Variants in CPQ observed in about 807,000 individuals in gnomAD.
CPQ encodes the protein carboxypeptidase Q, also known as Ser-Met dipeptidase.
Under a neutral mutation model 45.7 loss-of-function variants are expected in CPQ, and 37 were observed. The ratio of observed to expected loss-of-function variants is 0.81; its 90% CI spans 0.62 to 1.07. The LOEUF (loss-of-function observed/expected upper bound fraction) is 1.07. Among genes scored for constraint, CPQ ranks in the 50% least tolerant of loss-of-function variants. CPQ has a pLI of 0.00. For synonymous variants in CPQ, 186 were observed against 205.8 expected (o/e 0.90, Z 0.82); for missense variants, 537 against 572.9 (o/e 0.94, Z 0.64).
At chr8:96,878,729 A>G (rs1812180972) in intron 3 of CPQ, among the ~76,000 whole-genome samples, 1 of 152,236 alleles carries the variant, frequency 6.6e-6, no homozygotes, top group Non-Finnish European at 1.5e-5. Flanking sequence ...AGCTGCTTCT[A>G]TAGGAGATAA....
At chr8:96,783,281 G>A (rs1810715829) in intron 1 of CPQ, among the ~76,000 whole-genome samples, 1 of 152,056 alleles carries the variant, frequency 6.6e-6, no homozygotes, top group South Asian at 2.1e-4. Context: ...GTGTGTGTGT[G>A]TGTGCTGCTT....
chr8:96,737,943 T>C (rs1586379914), intron 1 of CPQ, among the ~76,000 whole-genome samples: 1 of 152,262 alleles, frequency 6.6e-6, no homozygotes, highest in African/African-American at 2.4e-5. Flanking sequence ...GTATTTTCTA[T>C]TTTTTAGTAT....
At chr8:97,124,330 G>A (rs1326645709) in intron 7 of CPQ, among the ~76,000 whole-genome samples, 1 of 150,478 alleles carries the variant, frequency 6.6e-6, no homozygotes, top group African/African-American at 2.4e-5. Context: ...CACATCTATA[G>A]TTGTGGCTGG....
At chr8:97,076,368 C>G (rs1326957817) in intron 7 of CPQ, among the ~76,000 whole-genome samples, 2 of 152,084 alleles carry the variant, frequency 1.3e-5, no homozygotes, top group Non-Finnish European at 2.9e-5. Flanking sequence ...ATTATTCTAC[C>G]TAAAATATTT....
chr8:96,656,967 T>C (rs1299011973), intron 1 of CPQ, among the ~76,000 whole-genome samples: 1 of 152,002 alleles, frequency 6.6e-6, no homozygotes, highest in Non-Finnish European at 1.5e-5. Context: ...GTGGGCTTTC[T>C]GGGAAGTGTC....
intron 1 of CPQ, among the ~76,000 whole-genome samples, chr8:96,647,530 T>C (rs1815531711): frequency 6.6e-6 from 1 of 151,920 alleles, no homozygotes; most frequent in Non-Finnish European, 1.5e-5. Context: ...AATGGGAGAG[T>C]TAGGACTCAA....
At chr8:97,138,353 T>C (rs1444768609) in intron 7 of CPQ, among the ~76,000 whole-genome samples, 5 of 152,060 alleles carry the variant, frequency 3.3e-5, no homozygotes, top group African/African-American at 1.2e-4. Flanking sequence ...TGGGAGTAGA[T>C]AGGGGAAAAC....
intron 7 of CPQ, among the ~76,000 whole-genome samples, chr8:97,120,405 T>G (rs1413260939): frequency 6.6e-6 from 1 of 151,420 alleles, no homozygotes; most frequent in Non-Finnish European, 1.5e-5. Context: ...TACTGATCTA[T>G]TCCTTTACTG....
chr8:96,650,749 G>A (rs1259073653), intron 1 of CPQ, among the ~76,000 whole-genome samples: 1 of 152,218 alleles, frequency 6.6e-6, no homozygotes, highest in African/African-American at 2.4e-5. Context: ...AGGCAGTGAT[G>A]TGAAAGGATC....
chr8:96,933,776 A>T (rs148557224), intron 4 of CPQ, among the ~76,000 whole-genome samples: 2 of 152,058 alleles, frequency 1.3e-5, no homozygotes, highest in Admixed American at 6.6e-5. Flanking sequence ...AGCAGTGATG[A>T]CCATGTGGTA....
chr8:96,769,477 C>A (rs1810511866), intron 1 of CPQ, among the ~76,000 whole-genome samples: 1 of 152,138 alleles, frequency 6.6e-6, no homozygotes, highest in Admixed American at 6.6e-5. Context: ...CCCCTGTTCT[C>A]CAGGGCAGCC....
chr8:97,111,798 A>G (rs184545881), intron 7 of CPQ, among the ~76,000 whole-genome samples: 1 of 152,330 alleles, frequency 6.6e-6, no homozygotes, highest in Admixed American at 6.5e-5. Context: ...AAATATCTTG[A>G]ACAAAACAAG....
intron 7 of CPQ, among the ~76,000 whole-genome samples, chr8:97,090,900 A>C (rs1811114561): frequency 6.6e-6 from 1 of 152,190 alleles, no homozygotes; most frequent in Non-Finnish European, 1.5e-5. Flanking sequence ...ATGCAACTTC[A>C]CATCATAACA....
chr8:96,784,004 G>A (rs1810724648), intron 1 of CPQ, among the ~76,000 whole-genome samples: 1 of 152,056 alleles, frequency 6.6e-6, no homozygotes, highest in Non-Finnish European at 1.5e-5. Flanking sequence ...AAGCCTTTGT[G>A]TATCTTTGGC....
At chr8:96,688,714 T>A (rs887020183) in intron 1 of CPQ, among the ~76,000 whole-genome samples, 76 of 152,102 alleles carry the variant, frequency 5.0e-4, no homozygotes, top group African/African-American at 1.6e-3. Flanking sequence ...TTCAATGTAC[T>A]GTAATTCTGT....
chr8:96,749,263 G>A (rs1016129929), intron 1 of CPQ, among the ~76,000 whole-genome samples: 2 of 152,160 alleles, frequency 1.3e-5, no homozygotes, highest in African/African-American at 2.4e-5. Context: ...CCCATTTAGC[G>A]ATGACAGACT....
intron 3 of CPQ, among the ~76,000 whole-genome samples, chr8:96,839,160 T>C (rs1032014152): frequency 2.0e-5 from 3 of 151,912 alleles, no homozygotes; most frequent in African/African-American, 7.3e-5. Flanking sequence ...CCCTGGAGGG[T>C]AGTTTGATTT....
chr8:97,068,153 CT>C (rs1290140385), intron 7 of CPQ, among the ~76,000 whole-genome samples: 1 of 152,116 alleles, frequency 6.6e-6, no homozygotes, highest in Non-Finnish European at 1.5e-5. Flanking sequence ...TTGGCTCTAG[CT>C]TTTTTCCTTC....
At chr8:96,709,474 A>G (rs1277599926) in intron 1 of CPQ, among the ~76,000 whole-genome samples, 2 of 152,094 alleles carry the variant, frequency 1.3e-5, no homozygotes, top group African/African-American at 2.4e-5. Context: ...TATAAATACC[A>G]CATTTTCTTT....
Sources: allele counts gnomAD v4.1 joint callset (sites outside exome capture counted in the v4.1 genomes callset), GRCh38; gene constraint gnomAD v4.1.1; transcripts MANE v1.5; gene names NCBI Gene and HGNC (gene_info 2026-07-23, HGNC 2026-07-21).